MROH7: variants seen among roughly 807,000 people sequenced by gnomAD.
MROH7 encodes the protein maestro heat-like repeat-containing protein family member 7.
Under a neutral mutation model 129.2 loss-of-function variants are expected in MROH7, and 113 were observed. The ratio of observed to expected loss-of-function variants is 0.87; its 90% CI spans 0.75 to 1.02. The LOEUF (loss-of-function observed/expected upper bound fraction) is 1.02, where lower values mean the gene tolerates loss of function less well. Among genes scored for constraint, MROH7 ranks in the 50% least tolerant of loss-of-function variants. The pLI is 0.00. For synonymous variants in MROH7, 655 were observed against 667.9 expected (o/e 0.98, Z 0.30); for missense variants, 1,601 against 1,671.3 (o/e 0.96, Z 0.73).
rs144965494 is a variant in MROH7 at position 54,682,046 on chromosome 1, G to A, written c.2382-610G>A. Among the ~76,000 whole-genome samples, 326 of 152,278 alleles carry A rather than the reference G, an allele frequency of 2.1e-3. 1 individual carries two copies. The highest frequency in any genetic ancestry group is 3.7e-3 in the Non-Finnish European group (252 of 68,028). ...CATGTCTGTATTCCCCAAGATTTGC[G>A]TAGGGCCTGGTGTACAGTAAATGCT... On this transcript the variant is annotated intron_variant, in intron 13 of 23. Coordinates refer to ENST00000421030, the MANE Select transcript of MROH7 (RefSeq NM_001039464.4).
rs1644590324 is a variant in MROH7 at position 54,653,433 on chromosome 1, C to A, written c.507C>A (p.Asn169Lys). Reference protein sequence around the residue: ...KIFKLGQRNSNPSRHELNPFI... With the variant: ...KIFKLGQRNSKPSRHELNPFI... ...TCAAGTTGGGTCAGAGAAACTCCAA[C>A]CCTTCTAGGCATGAATTAAACCCAT... The change falls in exon 3 of 24, where the codon AAC becomes AAA. Residue 169 changes from asparagine (N) to lysine (K), a missense_variant. Coordinates refer to ENST00000421030, the MANE Select transcript of MROH7 (RefSeq NM_001039464.4). The A allele has an allele frequency of 6.2e-7, 1 of 1,614,068 alleles. No individual in the cohort carries two copies. Among genetic ancestry groups the A allele is most frequent in the African/African-American group, 1.3e-5 (1 of 74,936 alleles).
chr1:54,695,573 A>G (rs1454663812), intron 17 of MROH7, 83 bp downstream of exon 17: 4 of 843,614 alleles, frequency 4.7e-6, no homozygotes, highest in Admixed American at 4.0e-5. Context: ...CTATGTAAAC[A>G]GTACTTTATA....
Position 54,692,514 on chromosome 1 carries a change from C to T in MROH7, c.2802C>T (p.Leu934=). 1 of 1,613,474 alleles carries T rather than the reference C, an allele frequency of 6.2e-7. No individual in the cohort carries two copies. Among genetic ancestry groups the T allele is most frequent in the Non-Finnish European group, 8.5e-7 (1 of 1,179,760 alleles). Residue 934 remains leucine, a synonymous_variant, in exon 16 of 24, where the codon CTC becomes CTT. Coordinates refer to ENST00000421030, the MANE Select transcript of MROH7 (RefSeq NM_001039464.4). The stretch of plus-strand genomic sequence containing the variant: ...TGGAGGACCAGGGTGGCTGGGAGCT[C>T]ATGGAGCAGGTGGAGAGCCACCACC... ...TFLEDQGGWE[L]MEQVESHHRG... is the part of the protein sequence containing the mutation.
chr1:54,678,216 C>A (rs1645012409), intron 10 of MROH7, among the ~76,000 whole-genome samples: 1 of 152,186 alleles, frequency 6.6e-6, no homozygotes, highest in Non-Finnish European at 1.5e-5. Flanking sequence ...CAACTAACAA[C>A]TGTGTAGATA....
rs779428121 is a variant in MROH7 at position 54,679,403 on chromosome 1, G to C, written c.2190G>C (p.Ser730=). 3 of 1,614,010 alleles carry C rather than the reference G, an allele frequency of 1.9e-6. No individual in the cohort carries two copies. Among genetic ancestry groups the C allele is most frequent in the Middle Eastern group, 1.7e-4 (1 of 6,028 alleles). Residue 730 remains serine (S), a synonymous_variant, in exon 12 of 24, where the codon TCG becomes TCC. Transcript: ENST00000421030. The part of the protein sequence containing the change: ...MQLASEVMLS[S]VLEWYRHRAL... Reference sequence around the variant, plus strand: ...TGGCCTCGGAGGTCATGCTCAGCTCGGTGCTGGAGTGGTACCGCCACAGGG... The same window carrying C: ...TGGCCTCGGAGGTCATGCTCAGCTCCGTGCTGGAGTGGTACCGCCACAGGG...
chr1:54,655,927 T>A (rs1468566674), intron 3 of MROH7, among the ~76,000 whole-genome samples: 1 of 147,114 alleles, frequency 6.8e-6, no homozygotes, highest in South Asian at 2.2e-4. Context: ...GGAGTCTTGC[T>A]CCGTCACCAA....
In MROH7 at chr1:54,673,043, G is replaced by T. The variant is rs756952227; in HGVS notation, c.1600-48G>T. 7 of 1,446,080 alleles carry T rather than the reference G, an allele frequency of 4.8e-6. No individual in the cohort carries two copies. The Admixed American group carries it at 1.2e-4, about 25-fold the overall frequency. 89.6% of individuals were successfully genotyped at this position (1,446,080 alleles called of 1,614,324 possible). On this transcript the variant is annotated intron_variant, in intron 7 of 23. Transcript: ENST00000421030. Reference sequence around the variant, plus strand: ...ACACCAGGGGCCGCCTGGGGCTGGTGTCCGCTCCAGAGGTGCCTTAGTGGC... The same window carrying T: ...ACACCAGGGGCCGCCTGGGGCTGGTTTCCGCTCCAGAGGTGCCTTAGTGGC...
chr1:54,652,784 A>G (rs1268905285), intron 2 of MROH7, 69 bp from the exon 3 acceptor site: 47 of 1,151,698 alleles, frequency 4.1e-5, no homozygotes, highest in Non-Finnish European at 5.1e-5. Flanking sequence ...TCATCTTAAG[A>G]ATAGTGGGAG....
chr1:54,685,314 C>T (rs919052003), intron 14 of MROH7, among the ~76,000 whole-genome samples: 8 of 152,220 alleles, frequency 5.3e-5, no homozygotes, highest in Non-Finnish European at 1.0e-4. Flanking sequence ...AGCCACTGTG[C>T]CTGGCCTGCA....
At chr1:54,709,455 T>G (rs1206293042) in intron 23 of MROH7, among the ~76,000 whole-genome samples, 2 of 151,998 alleles carry the variant, frequency 1.3e-5, no homozygotes, top group Non-Finnish European at 2.9e-5. Context: ...TGACCTCAAG[T>G]GATCCGCCCG....
chr1:54,680,560 G>A (rs1375397741), intron 13 of MROH7, among the ~76,000 whole-genome samples: 1 of 152,206 alleles, frequency 6.6e-6, no homozygotes, highest in Non-Finnish European at 1.5e-5. Flanking sequence ...GGTGCTGAGT[G>A]CCTGCTCAGG....
In MROH7 at chr1:54,679,877, C is replaced by A; in HGVS notation, c.2227-14C>A. 2 of 1,600,822 alleles carry A rather than the reference C, an allele frequency of 1.2e-6. No homozygotes were observed. The highest frequency in any genetic ancestry group is 1.1e-5 in the South Asian group (1 of 90,646). On this transcript the variant is annotated splice_polypyrimidine_tract_variant and intron_variant, in intron 12 of 23. Coordinates refer to ENST00000421030, the MANE Select transcript of MROH7 (RefSeq NM_001039464.4). ...GCAGTCCCCTTGCTCATGGCTGCCC[C>A]GGCTGTGCCCCAGATCCCAGAAATC...
chr1:54,693,664 C>T (rs1645275116), intron 16 of MROH7, among the ~76,000 whole-genome samples: 2 of 152,104 alleles, frequency 1.3e-5, no homozygotes, highest in Non-Finnish European at 2.9e-5. Flanking sequence ...CAGCTTCCCA[C>T]GGGGTCAAGA....
chr1:54,686,527 A>G, intron 15 of MROH7, 79 bp downstream of exon 15: 2 of 1,297,720 alleles, frequency 1.5e-6, no homozygotes, highest in Admixed American at 2.0e-5. Context: ...CAAAAGTCTC[A>G]GGGGCAATCA....
At chr1:54,685,018 CT>C (rs955113302) in intron 14 of MROH7, among the ~76,000 whole-genome samples, 70 of 146,016 alleles carry the variant, frequency 4.8e-4, no homozygotes, top group Admixed American at 5.5e-4. Flanking sequence ...TTTTTCTCTC[CT>C]TTTTTTTTTT....
chr1:54,697,350 C>T (rs1645339849), intron 17 of MROH7: 1 of 314,476 alleles, frequency 3.2e-6, no homozygotes, highest in East Asian at 5.0e-5. Flanking sequence ...GACCATGTCA[C>T]ATTGGTATTG....
Position 54,678,823 on chromosome 1 carries a change from G to T in MROH7, c.2018G>T (p.Ser673Ile). The change falls in exon 11 of 24, where the codon AGC (serine) becomes ATC (isoleucine). Residue 673 changes from serine to isoleucine, a missense_variant. Coordinates refer to ENST00000421030, the MANE Select transcript of MROH7 (RefSeq NM_001039464.4). ...KHFLGPYNPV[S>I]PCQNILRVIE... Reference sequence around the variant, plus strand: ...TTCCTGGGGCCCTACAACCCTGTGAGCCCGTGCCAGAACATTCTGCGGGTG... The same window carrying T: ...TTCCTGGGGCCCTACAACCCTGTGATCCCGTGCCAGAACATTCTGCGGGTG... 6.2e-7 allele frequency: 1 copy of T among 1,613,902 alleles called. No individual in the cohort carries two copies. The highest frequency in any genetic ancestry group is 8.5e-7 in the Non-Finnish European group (1 of 1,179,904).
chr1:54,664,763 A>G (rs1251763527), intron 3 of MROH7, among the ~76,000 whole-genome samples: 1 of 152,196 alleles, frequency 6.6e-6, no homozygotes, highest in East Asian at 1.9e-4. Flanking sequence ...TTGTAATCCT[A>G]GCACTTTGGG....
chr1:54,675,753 A>G (rs779109722), intron 10 of MROH7, among the ~76,000 whole-genome samples: 23 of 151,350 alleles, frequency 1.5e-4, no homozygotes, highest in Non-Finnish European at 3.1e-4. Context: ...GCATGCTACC[A>G]TGCCTGGCTA....
Sources: gnomAD v4.1 joint callset for allele counts (sites outside exome capture counted in the v4.1 genomes callset) on GRCh38, gnomAD v4.1.1 for gene constraint, MANE v1.5 for transcripts, NCBI Gene and HGNC (gene_info 2026-07-23, HGNC 2026-07-21) for gene names.